VSIR: variants seen among roughly 807,000 people sequenced by gnomAD.
The protein encoded by VSIR is V-type immunoglobulin domain-containing suppressor of T-cell activation.
Under a neutral mutation model 31.0 loss-of-function variants are expected in VSIR, and 10 were observed. The observed-to-expected ratio is 0.32, with a 90% CI of 0.20 to 0.55. The LOEUF is 0.55. VSIR is among the 20% of genes least tolerant of loss of function. The probability of loss-of-function intolerance (pLI) is 0.93; values close to 1 mark genes in which losing one functional copy is unlikely to be tolerated. For synonymous variants in VSIR, 179 were observed against 180.1 expected (o/e 0.99, Z 0.05); for missense variants, 356 against 416.2 (o/e 0.86, Z 1.26).
chr10:71,756,551 T>C (rs1240882742), intron 3 of VSIR, among the ~76,000 whole-genome samples: 1 of 152,354 alleles, frequency 6.6e-6, no homozygotes, highest in Non-Finnish European at 1.5e-5. Flanking sequence ...ATGTGCATTT[T>C]CTTTTAGGCT....
chr10:71,766,937 C>T (rs1056420080), intron 1 of VSIR, among the ~76,000 whole-genome samples: 10 of 152,246 alleles, frequency 6.6e-5, no homozygotes, highest in African/African-American at 2.2e-4. Context: ...CTCCGTGCAA[C>T]ATTCCTGCTC....
At chr10:71,756,977 T>C (rs1258274802) in intron 3 of VSIR, among the ~76,000 whole-genome samples, 5 of 152,260 alleles carry the variant, frequency 3.3e-5, no homozygotes, top group Non-Finnish European at 5.9e-5. Flanking sequence ...CAGGAACAGT[T>C]GCTATGCTAA....
chr10:71,760,994 C>T (rs1238289973), intron 2 of VSIR, 70 bp from the exon 3 acceptor site: 5 of 1,486,102 alleles, frequency 3.4e-6, no homozygotes, highest in Non-Finnish European at 4.7e-6. Context: ...TTGTCCAGGC[C>T]AGTGTCCCCC....
In VSIR at chr10:71,751,271, T is replaced by C. The variant is rs780506490; in HGVS notation, c.918A>G (p.Pro306=). The C allele has an allele frequency of 2.5e-6, 4 of 1,610,298 alleles. No homozygotes were observed. The highest frequency in any genetic ancestry group is 3.4e-6 in the Non-Finnish European group (4 of 1,178,052). ...FPSLDPVPDS[P]NFEVI ...AGCTGGGCTAGATGACCTCAAAGTT[T>C]GGAGAGTCAGGGACAGGGTCTGCAA... Residue 306 remains proline (P), a synonymous_variant, in exon 7 of 7, where the codon CCA becomes CCG. Coordinates refer to ENST00000394957, the MANE Select transcript of VSIR (RefSeq NM_022153.2). This position sits in a 1 kb window ranked among gnomAD's most constrained non-coding sequence, Gnocchi z 4.9.
chr10:71,765,821 A>T (rs1840527360), intron 1 of VSIR, among the ~76,000 whole-genome samples: 1 of 151,822 alleles, frequency 6.6e-6, no homozygotes, highest in Non-Finnish European at 1.5e-5. Flanking sequence ...GGAGCAGGGG[A>T]GGATGTTCAG....
chr10:71,755,290 G>C (rs779750037), intron 4 of VSIR, 69 bp downstream of exon 4: 73 of 1,391,270 alleles, frequency 5.2e-5, no homozygotes, highest in Non-Finnish European at 6.4e-5. Flanking sequence ...CGAATCCCAG[G>C]GGCTGAACTG....
chr10:71,758,854 G>A (rs1437176330), intron 3 of VSIR, among the ~76,000 whole-genome samples: 1 of 152,104 alleles, frequency 6.6e-6, no homozygotes, highest in East Asian at 1.9e-4. Context: ...TAGCGAGAGT[G>A]CATCTCTACC....
At chr10:71,760,287 ATGTGT>A (rs1840341051) in intron 3 of VSIR, among the ~76,000 whole-genome samples, 2 of 111,888 alleles carry the variant, frequency 1.8e-5, no homozygotes, top group South Asian at 2.8e-4. Flanking sequence ...GTATGTATAT[ATGTGT>A]ATATATATGT....
intron 1 of VSIR, among the ~76,000 whole-genome samples, chr10:71,768,241 G>T (rs1346211519): frequency 1.3e-5 from 2 of 152,160 alleles, no homozygotes; most frequent in Admixed American, 6.5e-5. Flanking sequence ...TGCAATCTCA[G>T]CTCACTGCAA....
intron 1 of VSIR, among the ~76,000 whole-genome samples, chr10:71,769,836 C>G (rs2132908686): frequency 6.6e-6 from 1 of 152,336 alleles, no homozygotes; most frequent in South Asian, 2.1e-4. Context: ...CTGTCTTTGT[C>G]TTTGGTGATG....
In VSIR at chr10:71,759,900, T is replaced by TATACACACACACAC. The variant is rs1564779295; in HGVS notation, c.568+967_568+968insGTGTGTGTGTGTAT. ...ACACACACACATATACACACACACA[T>TATACACACACACAC]ATATACACACACACATATATACACA... On this transcript the variant is annotated intron_variant, in intron 3 of 6. Transcript: ENST00000394957. 9.2e-3 allele frequency among the ~76,000 whole-genome samples: 415 copies of TATACACACACACAC among 44,922 alleles called. 38 individuals carry two copies. Among genetic ancestry groups the TATACACACACACAC allele is most frequent in the East Asian group, 0.028 (39 of 1,382 alleles). The allele number at this position is 44,922 out of a possible 152,430, so 29.5% of individuals were successfully genotyped here. A position where few individuals can be genotyped will look rare whatever the true frequency, so the allele number is the denominator to read the frequency against.
intron 1 of VSIR, among the ~76,000 whole-genome samples, chr10:71,768,193 T>C (rs1237947012): frequency 3.3e-5 from 5 of 152,166 alleles, no homozygotes; most frequent in African/African-American, 4.8e-5. Context: ...TTGTTTGAGA[T>C]GGAGTCTCGC....
chr10:71,754,302 G>A (rs994110344), intron 4 of VSIR, among the ~76,000 whole-genome samples: 12 of 150,424 alleles, frequency 8.0e-5, no homozygotes, highest in African/African-American at 1.5e-4. Flanking sequence ...CACAGCCCCC[G>A]AGTGACCCAC....
At chr10:71,758,901 G>A (rs747189199) in intron 3 of VSIR, among the ~76,000 whole-genome samples, 3 of 152,082 alleles carry the variant, frequency 2.0e-5, no homozygotes, top group African/African-American at 7.2e-5. Context: ...ACAGAGTCTC[G>A]CTCTGTCACC....
intron 1 of VSIR, among the ~76,000 whole-genome samples, chr10:71,765,171 C>G (rs561657081): frequency 1.1e-4 from 17 of 152,370 alleles, no homozygotes; most frequent in African/African-American, 4.1e-4. Context: ...TGTGGCAGGT[C>G]CCACCAGCAC....
At chr10:71,759,727 G>C (rs563351580) in intron 3 of VSIR, among the ~76,000 whole-genome samples, 2 of 151,210 alleles carry the variant, frequency 1.3e-5, no homozygotes, top group Admixed American at 1.3e-4. Context: ...CAGAAGAATC[G>C]CTTGAATCCG....
At chr10:71,771,616 T>A (rs1190523206) in intron 1 of VSIR, among the ~76,000 whole-genome samples, 1 of 152,232 alleles carries the variant, frequency 6.6e-6, no homozygotes, top group South Asian at 2.1e-4. Context: ...CCCAGAGCAA[T>A]TCAAATGCTT....
intron 3 of VSIR, among the ~76,000 whole-genome samples, chr10:71,758,265 G>T (rs76072578): frequency 6.6e-6 from 1 of 152,182 alleles, no homozygotes; most frequent in Non-Finnish European, 1.5e-5. Context: ...TGTTGGGTCC[G>T]TGGTTTAGCT....
intron 5 of VSIR, 42 bp downstream of exon 5, chr10:71,752,933 C>T (rs780199822): frequency 1.0e-5 from 16 of 1,606,754 alleles, no homozygotes; most frequent in South Asian, 4.4e-5. Context: ...CCTGGATAGC[C>T]GGCCCAGGAA....
Sources: allele counts gnomAD v4.1 joint callset (sites outside exome capture counted in the v4.1 genomes callset), GRCh38; gene constraint gnomAD v4.1.1; non-coding constraint Gnocchi (gnomAD v3.1); transcripts MANE v1.5; gene names NCBI Gene and HGNC (gene_info 2026-07-23, HGNC 2026-07-21).